Variants in BMP10 observed in about 807,000 individuals in gnomAD.
BMP10 encodes the protein bone morphogenetic protein 10.
A neutral mutation model predicts 29.9 loss-of-function variants in BMP10; 9 were observed. The ratio of observed to expected loss-of-function variants is 0.30; its 90% CI spans 0.18 to 0.53. The LOEUF (loss-of-function observed/expected upper bound fraction) is 0.53. Among genes scored for constraint, BMP10 ranks in the 20% least tolerant of loss-of-function variants. The pLI, the probability that BMP10 is intolerant of heterozygous loss-of-function variation, is 0.96. For missense variants in BMP10, 474 were observed against 524.3 expected, an observed-to-expected ratio of 0.90 and a Z score of 0.94; for synonymous variants, 202 against 200.2, an observed-to-expected ratio of 1.01 and a Z score of -0.07.
chr2:68,871,124 C>T lies in BMP10; in HGVS notation c.235G>A (p.Val79Met), dbSNP rs774480113. 5 of 1,614,148 alleles carry T rather than the reference C, an allele frequency of 3.1e-6. No individual in the cohort carries two copies. Among genetic ancestry groups the T allele is most frequent in the Non-Finnish European group, 3.4e-6 (4 of 1,180,028 alleles). Residue 79 changes from valine (V) to methionine (M), a missense_variant, in exon 1 of 2, where the codon GTG (valine) becomes ATG (methionine). Coordinates refer to ENST00000295379, the MANE Select transcript of BMP10 (RefSeq NM_014482.3). ...TCCAACATGTACTCTGGTGGGTCCACCTTGGCTGAATCCTGCGTGGGGATG... is the reference window on the plus strand; with the variant it reads ...TCCAACATGTACTCTGGTGGGTCCATCTTGGCTGAATCCTGCGTGGGGATG... Reference protein sequence around the residue: ...SDIPTQDSAKVDPPEYMLELY... With the variant: ...SDIPTQDSAKMDPPEYMLELY...
Position 68,866,356 on chromosome 2 carries a change from G to A in BMP10, c.550C>T (p.Leu184=), listed in dbSNP as rs759741960. ...TATATCTCCCCAGACACCAAGACCA[G>A]CATGTTTCTTTCTCCCTCATTATCC... ...KGDNEGERNM[L]VLVSGEIYGT... is the part of the protein sequence containing the mutation. The change falls in exon 2 of 2, where the codon CTG becomes TTG. Residue 184 remains leucine (L), a synonymous_variant. Transcript: ENST00000295379. The A allele has an allele frequency of 1.1e-5, 17 of 1,613,780 alleles. No individual in the cohort carries two copies. In the South Asian group the frequency reaches 1.8e-4, roughly 17 times the overall value.
chr2:68,869,011 A>G (rs1424951695), intron 1 of BMP10, among the ~76,000 whole-genome samples: 1 of 152,232 alleles, frequency 6.6e-6, no homozygotes, highest in African/African-American at 2.4e-5. Flanking sequence ...AGTTCTGTGC[A>G]TGTGCAAATG....
rs190672797 is a variant in BMP10 at position 68,867,237 on chromosome 2, A to G, written c.335-666T>C. ...GCAGAGTTAAATAGATACAACAAAG[A>G]ACATATAGCCTGCAAAGCTTAAAAT... On this transcript the variant is annotated intron_variant, in intron 1 of 1. Transcript: ENST00000295379. Among the ~76,000 whole-genome samples, 15 of 152,350 alleles carry G rather than the reference A, an allele frequency of 9.8e-5. No individual in the cohort carries two copies. The East Asian group carries it at 1.2e-3, about 12-fold the overall frequency.
At chr2:68,867,913 T>C (rs1381616151) in intron 1 of BMP10, among the ~76,000 whole-genome samples, 1 of 152,104 alleles carries the variant, frequency 6.6e-6, no homozygotes, top group Non-Finnish European at 1.5e-5. Context: ...TTTATGTGTG[T>C]TTGCTAAAAA....
intron 1 of BMP10, among the ~76,000 whole-genome samples, chr2:68,869,240 C>CT (rs1205186058): frequency 1.1e-4 from 3 of 27,114 alleles, no homozygotes; most frequent in South Asian, 1.1e-3. Context: ...AAGGAGCACG[C>CT]TTTTTTCACC....
chr2:68,866,936 C>T (rs1682969894), intron 1 of BMP10, among the ~76,000 whole-genome samples: 1 of 152,170 alleles, frequency 6.6e-6, no homozygotes, highest in Non-Finnish European at 1.5e-5. Flanking sequence ...CAAAACGCCA[C>T]CAAATGGGAC....
chr2:68,867,729 C>T (rs2103808427), intron 1 of BMP10, among the ~76,000 whole-genome samples: 1 of 152,246 alleles, frequency 6.6e-6, no homozygotes, highest in African/African-American at 2.4e-5. Flanking sequence ...TCTCTGTCAT[C>T]ATTGGCAGCA....
At position 68,865,592 on chromosome 2, in the gene BMP10, C is replaced by T. The variant is rs748423235; in HGVS notation, c.*39G>A. Reference sequence around the variant, plus strand: ...TCATTAAATAGGAACACCAAATATACACATTTACAGTTATTAAATAAGCCA... The same window carrying T: ...TCATTAAATAGGAACACCAAATATATACATTTACAGTTATTAAATAAGCCA... On this transcript the variant is annotated 3_prime_UTR_variant, in exon 2 of 2. Transcript: ENST00000295379. The surrounding 1 kb of genome is among the most constrained non-coding windows in gnomAD (Gnocchi z 4.7). 1.9e-6 allele frequency: 3 copies of T among 1,548,982 alleles called. No homozygotes were observed. The highest frequency in any genetic ancestry group is 2.8e-5 in the African/African-American group (2 of 72,550).
Position 68,864,127 on chromosome 2 carries a change from T to C in BMP10, c.*1504A>G, listed in dbSNP as rs1682910400. ...CTGTGCAGAACACTTCCTCACCACT[T>C]TCAGTCCTGGCCAGTTGCAAAATGG... On this transcript the variant is annotated 3_prime_UTR_variant, in exon 2 of 2. Coordinates refer to ENST00000295379, the MANE Select transcript of BMP10 (RefSeq NM_014482.3). Among the ~76,000 whole-genome samples the C allele has an allele frequency of 6.6e-6, 1 of 152,096 alleles. No homozygotes were observed. Among genetic ancestry groups the C allele is most frequent in the Non-Finnish European group, 1.5e-5 (1 of 68,014 alleles).
chr2:68,861,298 C>T lies in BMP10; in HGVS notation c.*4333G>A, dbSNP rs184348321. On this transcript the variant is annotated 3_prime_UTR_variant, in exon 2 of 2. Coordinates refer to ENST00000295379, the MANE Select transcript of BMP10 (RefSeq NM_014482.3). ...AGTAGGCGGGCGCTGGCACATTGGC[C>T]GCCCCACCACTATCAAGCCAGGTGC... Among the ~76,000 whole-genome samples, 30 of 152,262 alleles carry T rather than the reference C, an allele frequency of 2.0e-4. No individual in the cohort carries two copies. The highest frequency in any genetic ancestry group is 3.4e-3 in the Middle Eastern group (1 of 294).
At chr2:68,870,705 G>A (rs1481471583) in intron 1 of BMP10, among the ~76,000 whole-genome samples, 4 of 152,136 alleles carry the variant, frequency 2.6e-5, no homozygotes, top group Non-Finnish European at 5.9e-5. Flanking sequence ...AATGACAAAG[G>A]TACGGCAGTA....
rs773363939 is a variant in BMP10, at chr2:68,865,706, G to A, written c.1200C>T (p.Leu400=). ...VPTKLEPISI[L]YLDKGVVTYK... ...AGGTGACGACGCCTTTGTCTAAATA[G>A]AGGATGGAGATGGGCTCTAGCTTTG... Residue 400 remains leucine (L), a synonymous_variant, in exon 2 of 2, where the codon CTC becomes CTT. Coordinates refer to ENST00000295379, the MANE Select transcript of BMP10 (RefSeq NM_014482.3). The surrounding 1 kb of genome is among the most constrained non-coding windows in gnomAD (Gnocchi z 4.7). The A allele has an allele frequency of 1.2e-6, 2 of 1,614,120 alleles. No individual in the cohort carries two copies. The highest frequency in any genetic ancestry group is 4.5e-5 in the East Asian group (2 of 44,874).
Position 68,865,765 on chromosome 2 carries a change from A to G in BMP10, c.1141T>C (p.Ser381Pro). The change falls in exon 2 of 2, where the codon TCC becomes CCC. Residue 381 changes from serine to proline, a missense_variant. By Grantham distance (74) the Ser-to-Pro change is moderately conservative (BLOSUM62 -1). Transcript: ENST00000295379. The surrounding 1 kb of genome is among the most constrained non-coding windows in gnomAD (Gnocchi z 4.7). ...CAGCAGGCTTTGGAAGCTTTCTGGG[A>G]ATTCTTGAGGTGGACCAAGGCCTGG... is the stretch of plus-strand genomic sequence containing the variant. ...IIQALVHLKN[S>P]QKASKACCVP... 6.2e-7 allele frequency: 1 copy of G among 1,614,036 alleles called. No individual in the cohort carries two copies. The highest frequency in any genetic ancestry group is 8.5e-7 in the Non-Finnish European group (1 of 1,179,982).
rs1682926892 is a variant in BMP10 at position 68,865,118 on chromosome 2, A to G, written c.*513T>C. Among the ~76,000 whole-genome samples the G allele has an allele frequency of 6.6e-6, 1 of 152,204 alleles. No homozygotes were observed. The highest frequency in any genetic ancestry group is 1.5e-5 in the Non-Finnish European group (1 of 68,020). On this transcript the variant is annotated 3_prime_UTR_variant, in exon 2 of 2. Transcript: ENST00000295379. The surrounding 1 kb of genome is among the most constrained non-coding windows in gnomAD (Gnocchi z 4.7). ...CTGAGCAACTACAGAAACTCAACTG[A>G]CAAAAGCTACACTTACATTTCCAGA...
chr2:68,865,367 C>T lies in BMP10; in HGVS notation c.*264G>A, dbSNP rs542835069. On this transcript the variant is annotated 3_prime_UTR_variant, in exon 2 of 2. Transcript: ENST00000295379. This position sits in a 1 kb window ranked among gnomAD's most constrained non-coding sequence, Gnocchi z 4.7. The stretch of plus-strand genomic sequence containing the variant: ...CAAATATACATACACAAGTGTGTGT[C>T]TTTTGACACTGTATTTTGCCTAGGG... The T allele has an allele frequency of 8.3e-6, 4 of 482,576 alleles. No individual in the cohort carries two copies. In the South Asian group the frequency reaches 9.7e-5, roughly 12 times the overall value. 29.9% of individuals were successfully genotyped at this position (482,576 alleles called of 1,614,324 possible). A position where few individuals can be genotyped will look rare whatever the true frequency, so the allele number is the denominator to read the frequency against.
rs1455942702 is a variant in BMP10 at position 68,864,887 on chromosome 2, A to T, written c.*744T>A. Among the ~76,000 whole-genome samples, 1 of 152,012 alleles carries T rather than the reference A, an allele frequency of 6.6e-6. No individual in the cohort carries two copies. The highest frequency in any genetic ancestry group is 1.5e-5 in the Non-Finnish European group (1 of 67,990). On this transcript the variant is annotated 3_prime_UTR_variant, in exon 2 of 2. Coordinates refer to ENST00000295379, the MANE Select transcript of BMP10 (RefSeq NM_014482.3). Reference sequence around the variant, plus strand: ...TCTGCAGCAGCAATGGCCAGTACTCATGGCCTTGCTTTCCTATTGTCTCAG... The same window carrying T: ...TCTGCAGCAGCAATGGCCAGTACTCTTGGCCTTGCTTTCCTATTGTCTCAG...
At chr2:68,870,655 T>G (rs1683048671) in intron 1 of BMP10, among the ~76,000 whole-genome samples, 1 of 152,248 alleles carries the variant, frequency 6.6e-6, no homozygotes, top group Non-Finnish European at 1.5e-5. Context: ...AATTTTTTAG[T>G]TAATTAAAAG....
In BMP10 at chr2:68,865,012, C is replaced by T. The variant is rs3792223; in HGVS notation, c.*619G>A. The stretch of plus-strand genomic sequence containing the variant: ...CATGGGTTCATTTTTTCCTGTTGTA[C>T]CTCTAAGACCTCTTAAGTCCATTTG... On this transcript the variant is annotated 3_prime_UTR_variant, in exon 2 of 2. Transcript: ENST00000295379. This position sits in a 1 kb window ranked among gnomAD's most constrained non-coding sequence, Gnocchi z 4.7. 0.038 allele frequency among the ~76,000 whole-genome samples: 5,728 copies of T among 152,238 alleles called. 133 individuals carry two copies. Among genetic ancestry groups the T allele is most frequent in the East Asian group, 0.064 (331 of 5,176 alleles).
At position 68,865,538 on chromosome 2, in the gene BMP10, C is replaced by T; in HGVS notation, c.*93G>A. 2 of 1,306,338 alleles carry T rather than the reference C, an allele frequency of 1.5e-6. No individual in the cohort carries two copies. Among genetic ancestry groups the T allele is most frequent in the Non-Finnish European group, 2.1e-6 (2 of 941,908 alleles). The allele number at this position is 1,306,338 out of a possible 1,614,324, so 80.9% of individuals were successfully genotyped here. ...TCCATTTCCTGAAGGCAGCAAGCCTCTATTACTGTACACCCTTATTAAATA... is the reference window on the plus strand; with the variant it reads ...TCCATTTCCTGAAGGCAGCAAGCCTTTATTACTGTACACCCTTATTAAATA... On this transcript the variant is annotated 3_prime_UTR_variant, in exon 2 of 2. Transcript: ENST00000295379. The surrounding 1 kb of genome is among the most constrained non-coding windows in gnomAD (Gnocchi z 4.7).
Sources: gnomAD v4.1 joint callset for allele counts (sites outside exome capture counted in the v4.1 genomes callset) on GRCh38, gnomAD v4.1.1 for gene constraint, Gnocchi (gnomAD v3.1) non-coding constraint, MANE v1.5 for transcripts, NCBI Gene and HGNC (gene_info 2026-07-23, HGNC 2026-07-21) for gene names.